The following ABCC4 variants were observed in gnomAD, a reference collection of about 807,000 sequenced individuals.
ABCC4 encodes the protein ATP-binding cassette sub-family C member 4.
ABCC4 carries 102 observed loss-of-function variants against 168.5 expected under a neutral mutation model. The observed-to-expected ratio is 0.61, with a 90% CI of 0.52 to 0.71. The LOEUF is 0.71. Among genes scored for constraint, ABCC4 ranks in the 30% least tolerant of loss-of-function variants. The pLI, the probability that ABCC4 is intolerant of heterozygous loss-of-function variation, is 0.00. For synonymous variants in ABCC4, 617 were observed against 590.7 expected (o/e 1.04, Z -0.65); for missense variants, 1,402 against 1,605.8 (o/e 0.87, Z 2.17).
At chr13:95,196,338 A>G (rs963467582) in intron 8 of ABCC4, among the ~76,000 whole-genome samples, 1 of 152,136 alleles carries the variant, frequency 6.6e-6, no homozygotes, top group Non-Finnish European at 1.5e-5. Flanking sequence ...ATGTAGCCAC[A>G]TGACTTTAAG....
At chr13:95,115,271 T>TG (rs201782619) in intron 20 of ABCC4, among the ~76,000 whole-genome samples, 20 of 48,698 alleles carry the variant, frequency 4.1e-4, no homozygotes, top group African/African-American at 3.1e-3. Context: ...GTAGGATTGT[T>TG]GGTTTTTTTT....
At chr13:95,168,164 G>A (rs546886924) in intron 14 of ABCC4, among the ~76,000 whole-genome samples, 4 of 152,188 alleles carry the variant, frequency 2.6e-5, no homozygotes, top group South Asian at 2.1e-4. Context: ...GAGCCACCGC[G>A]CCTCGCCAAA....
chr13:95,211,612 A>C (rs147221771), intron 4 of ABCC4, among the ~76,000 whole-genome samples: 4 of 152,136 alleles, frequency 2.6e-5, no homozygotes, highest in Admixed American at 6.6e-5. Context: ...GCTTATGGAA[A>C]TGGGGCTGAA....
At chr13:95,114,636 A>G (rs1417221026) in intron 20 of ABCC4, among the ~76,000 whole-genome samples, 1 of 152,072 alleles carries the variant, frequency 6.6e-6, no homozygotes, top group Admixed American at 6.6e-5. Context: ...GTCTCAGCTT[A>G]CTTCACCTCC....
intron 30 of ABCC4, among the ~76,000 whole-genome samples, chr13:95,025,277 ACACACCCC>A: frequency 3.6e-5 from 1 of 27,838 alleles, no homozygotes; most frequent in Non-Finnish European, 5.9e-5. Context: ...ACACCCCCAC[ACACACCCC>A]CACACACACC....
At position 95,157,131 on chromosome 13, in the gene ABCC4, A is replaced by ACAC. The variant is rs1350889658; in HGVS notation, c.2455+4057_2455+4058insGTG. On this transcript the variant is annotated intron_variant, in intron 19 of 30. Transcript: ENST00000645237. ...ACACACACACACACACACACACACAAACAGTCACCATTTGTCCACTGGTGG... is the reference window on the plus strand; with the variant it reads ...ACACACACACACACACACACACACAACACACAGTCACCATTTGTCCACTGGTGG... Among the ~76,000 whole-genome samples the ACAC allele has an allele frequency of 1.9e-3, 159 of 82,766 alleles. 2 individuals carry two copies. Among genetic ancestry groups the ACAC allele is most frequent in the African/African-American group, 0.011 (146 of 13,868 alleles). The allele number at this position is 82,766 out of a possible 152,430, so 54.3% of individuals were successfully genotyped here. A position where few individuals can be genotyped will look rare whatever the true frequency, so the allele number is the denominator to read the frequency against.
chr13:95,058,274 A>G lies in ABCC4; in HGVS notation c.3366+4430T>C, dbSNP rs547177729. Among the ~76,000 whole-genome samples, 3 of 152,318 alleles carry G rather than the reference A, an allele frequency of 2.0e-5. No individual in the cohort carries two copies. In the East Asian group the frequency reaches 5.8e-4, roughly 29 times the overall value. Reference sequence around the variant, plus strand: ...TGCTGTATATTTGCTCTCTTTGGTTATGGCTTCTGGGAACCTTTTGTAAGT... The same window carrying G: ...TGCTGTATATTTGCTCTCTTTGGTTGTGGCTTCTGGGAACCTTTTGTAAGT... On this transcript the variant is annotated intron_variant, in intron 26 of 30. Transcript: ENST00000645237.
chr13:95,034,633 G>C lies in ABCC4; in HGVS notation c.3842C>G (p.Ala1281Gly). The C allele has an allele frequency of 1.9e-6, 3 of 1,614,160 alleles. No homozygotes were observed. The highest frequency in any genetic ancestry group is 2.5e-6 in the Non-Finnish European group (3 of 1,180,038). The change falls in exon 30 of 31, where the codon GCC (alanine) becomes GGC (glycine). Residue 1281 changes from alanine (A) to glycine (G), a missense_variant. This residue lies in a region of ABCC4 where 1,007 missense variants were observed against 1,127.3 expected (regional missense o/e 0.89). Coordinates refer to ENST00000645237, the MANE Select transcript of ABCC4 (RefSeq NM_005845.5). ...KMVQQLGKAE[A>G]AALTETAKQV... ...TTTTGCTGTTTCAGTGAGGGCAGCG[G>C]CTTCTGCCTTGCCCAGTTGTTGCAC...
chr13:95,194,756 G>T, intron 9 of ABCC4, 80 bp downstream of exon 9: 2 of 1,155,566 alleles, frequency 1.7e-6, no homozygotes, highest in Non-Finnish European at 2.5e-6. Context: ...TATACCATGT[G>T]TAACACCTCA....
chr13:95,024,436 G>C (rs1392558362), intron 30 of ABCC4, among the ~76,000 whole-genome samples: 1 of 151,986 alleles, frequency 6.6e-6, no homozygotes. Context: ...TCTAATGTAG[G>C]TTGAAACTAA....
At chr13:95,178,237 T>A in intron 11 of ABCC4, 146 bp from the exon 12 acceptor site, 2 of 699,784 alleles carry the variant, frequency 2.9e-6, no homozygotes, top group Non-Finnish European at 4.9e-6. Flanking sequence ...AATGGAAATA[T>A]TTCATAGTAA....
rs768406316 is a variant in ABCC4 at position 95,161,319 on chromosome 13, G to A, written c.2325C>T (p.Thr775=). 69 of 1,586,144 alleles carry A rather than the reference G, an allele frequency of 4.4e-5. No homozygotes were observed. Among genetic ancestry groups the A allele is most frequent in the Non-Finnish European group, 5.6e-5 (65 of 1,170,700 alleles). Residue 775 remains threonine, a synonymous_variant, in exon 19 of 31, where the codon ACC becomes ACT. Transcript: ENST00000645237. ...LGIYSGLTVA[T]VLFGIARSLL... ...GAGATCTTGCTATGCCAAAAAGAACGGTAGCTACAGTTAAACCTGAAATAA... is the reference window on the plus strand; with the variant it reads ...GAGATCTTGCTATGCCAAAAAGAACAGTAGCTACAGTTAAACCTGAAATAA...
intron 13 of ABCC4, 72 bp downstream of exon 13, chr13:95,177,635 T>G: frequency 7.7e-7 from 1 of 1,304,824 alleles, no homozygotes; most frequent in African/African-American, 1.5e-5. Context: ...CTGAAAGCCA[T>G]AAAGGCTTTC....
intron 4 of ABCC4, among the ~76,000 whole-genome samples, chr13:95,227,578 T>G (rs1269678667): frequency 6.6e-6 from 1 of 152,188 alleles, no homozygotes; most frequent in African/African-American, 2.4e-5. Context: ...CAGTTTCACT[T>G]TGACAACACT....
At chr13:95,162,199 T>C (rs1299591717) in intron 18 of ABCC4, among the ~76,000 whole-genome samples, 1 of 152,122 alleles carries the variant, frequency 6.6e-6, no homozygotes, top group East Asian at 1.9e-4. Flanking sequence ...TAATAGAACA[T>C]AATAGATTTC....
At chr13:95,054,020 C>CTTTTTTTTTTT (rs1566375296) in intron 26 of ABCC4, 1 of 73,186 alleles carries the variant, frequency 1.4e-5, no homozygotes, top group African/African-American at 7.1e-5. Flanking sequence ...AATGGGACAT[C>CTTTTTTTTTTT]CTTTTTTTTT....
intron 22 of ABCC4, 129 bp from the exon 23 acceptor site, chr13:95,074,453 A>G (rs987418392): frequency 1.1e-5 from 7 of 659,316 alleles, no homozygotes; most frequent in African/African-American, 9.1e-5. Flanking sequence ...AGGAACCTTT[A>G]GATTCCAGAA....
At chr13:95,046,892 G>A (rs1246021898) in intron 27 of ABCC4, among the ~76,000 whole-genome samples, 2 of 152,140 alleles carry the variant, frequency 1.3e-5, no homozygotes, top group African/African-American at 4.8e-5. Context: ...AGTGACAACT[G>A]GGGAAATTGA....
chr13:95,301,194 C>A lies in ABCC4; in HGVS notation c.74+47G>T, dbSNP rs781567196. 3 of 1,535,534 alleles carry A rather than the reference C, an allele frequency of 2.0e-6. No homozygotes were observed. The African/African-American group carries it at 4.3e-5, about 22-fold the overall frequency. On this transcript the variant is annotated intron_variant, in intron 1 of 30. Transcript: ENST00000645237. ...GCGCGGCCCCGGGAGAGTGCGTCCG[C>A]GGCGCCAGCGGCTGCAGGGTGACCT... is the stretch of plus-strand genomic sequence containing the variant.
Sources: gnomAD v4.1 joint callset for allele counts (sites outside exome capture counted in the v4.1 genomes callset) on GRCh38, gnomAD v4.1.1 for gene constraint, gnomAD v4.1.1 regional missense constraint, MANE v1.5 for transcripts, NCBI Gene and HGNC (gene_info 2026-07-23, HGNC 2026-07-21) for gene names.